The following ADGRL3 variants were observed in gnomAD, a reference collection of about 807,000 sequenced individuals.
ADGRL3 encodes calcium-independent alpha-latrotoxin receptor 3.
ADGRL3 carries 62 observed loss-of-function variants against 153.5 expected under a neutral mutation model. That is an observed-to-expected ratio of 0.40 (90% confidence interval 0.33 to 0.50). The LOEUF is 0.50. ADGRL3 is among the 20% of genes least tolerant of loss of function. The pLI, the probability that ADGRL3 is intolerant of heterozygous loss-of-function variation, is 0.47. For missense variants in ADGRL3, 1,641 were observed against 1,859.4 expected, an observed-to-expected ratio of 0.88 and a Z score of 2.16; for synonymous variants, 710 against 672.5, an observed-to-expected ratio of 1.06 and a Z score of -0.86.
chr4:61,231,438 C>T (rs561589832), intron 1 of ADGRL3, among the ~76,000 whole-genome samples: 23 of 152,096 alleles, frequency 1.5e-4, no homozygotes, highest in African/African-American at 4.8e-4. Flanking sequence ...GTTGTGGGGG[C>T]GGAGTGGAGG....
At chr4:61,281,097 T>C (rs556603618) in intron 1 of ADGRL3, among the ~76,000 whole-genome samples, 1 of 152,242 alleles carries the variant, frequency 6.6e-6, no homozygotes, top group South Asian at 2.1e-4. Flanking sequence ...ATCATATATA[T>C]ACATATATAT....
At chr4:61,830,480 C>T (rs1184751705) in intron 9 of ADGRL3, among the ~76,000 whole-genome samples, 4 of 152,178 alleles carry the variant, frequency 2.6e-5, no homozygotes, top group Admixed American at 2.6e-4. Context: ...CAGAACTCCA[C>T]CATGTCTATA....
chr4:61,509,811 G>A (rs2098453613), intron 3 of ADGRL3, among the ~76,000 whole-genome samples: 1 of 152,136 alleles, frequency 6.6e-6, no homozygotes, highest in Admixed American at 6.5e-5. Flanking sequence ...TAGAATAATA[G>A]TTCTGGTTTT....
chr4:61,631,240 T>C (rs1579963323), intron 5 of ADGRL3, among the ~76,000 whole-genome samples: 1 of 152,190 alleles, frequency 6.6e-6, no homozygotes, highest in East Asian at 1.9e-4. Context: ...TAAATTCAAT[T>C]TTATGGAATA....
chr4:61,936,024 T>G lies in ADGRL3; in HGVS notation c.2398T>G (p.Leu800Val), dbSNP rs760207197. The change falls in exon 15 of 27, where the codon TTA becomes GTA. Residue 800 changes from leucine (L) to valine (V), a missense_variant. Coordinates refer to ENST00000683033, the MANE Select transcript of ADGRL3 (RefSeq NM_001387552.1). ...CACTATCCAGCTGTCTGCAAATACC[T>G]TAAAGCAAAATGGCCGAAATGGTAG... ...GSTIQLSANT[L>V]KQNGRNGEIR... 10 of 1,611,004 alleles carry G rather than the reference T, an allele frequency of 6.2e-6. No individual in the cohort carries two copies. Among genetic ancestry groups the G allele is most frequent in the Admixed American group, 1.7e-5 (1 of 59,546 alleles).
intron 6 of ADGRL3, among the ~76,000 whole-genome samples, chr4:61,722,631 G>T (rs1002812120): frequency 1.1e-4 from 17 of 152,186 alleles, no homozygotes; most frequent in African/African-American, 4.1e-4. Flanking sequence ...AAAATTAATT[G>T]TAGAATTCTT....
chr4:61,890,265 G>C (rs2149576070), intron 9 of ADGRL3, among the ~76,000 whole-genome samples: 1 of 152,290 alleles, frequency 6.6e-6, no homozygotes, highest in East Asian at 1.9e-4. Context: ...GTACAAATGA[G>C]AGCTGGCATT....
At chr4:61,236,074 A>C (rs1019568268) in intron 1 of ADGRL3, among the ~76,000 whole-genome samples, 19 of 123,296 alleles carry the variant, frequency 1.5e-4, no homozygotes, top group African/African-American at 6.1e-4. Context: ...CAGTGGCTCT[A>C]TCTCAGCTCA....
intron 1 of ADGRL3, among the ~76,000 whole-genome samples, chr4:61,243,460 G>A (rs1265481081): frequency 6.6e-6 from 1 of 151,902 alleles, no homozygotes; most frequent in Non-Finnish European, 1.5e-5. Context: ...TTCTCCCTTG[G>A]GCAGCAGCAA....
intron 6 of ADGRL3, among the ~76,000 whole-genome samples, chr4:61,726,216 T>TTTTTTTTTTTTTTTTTTTTTTTTTTTA (rs1384390790): frequency 1.3e-5 from 2 of 148,838 alleles, no homozygotes; most frequent in Admixed American, 6.8e-5. Flanking sequence ...TTTTGTTTTT[T>TTTTTTTTTTTTTTTTTTTTTTTTTTTA]GAGAAGGAGT....
chr4:61,285,879 CT>C (rs939658612), intron 1 of ADGRL3, among the ~76,000 whole-genome samples: 13 of 151,636 alleles, frequency 8.6e-5, no homozygotes, highest in East Asian at 1.9e-4. Flanking sequence ...TTCTACTTTA[CT>C]TTTTTTTCCC....
At chr4:61,726,323 C>G (rs965072880) in intron 6 of ADGRL3, among the ~76,000 whole-genome samples, 28 of 151,030 alleles carry the variant, frequency 1.9e-4, no homozygotes, top group African/African-American at 6.3e-4. Context: ...CTCAGCCTCC[C>G]GAGTTGCTGG....
chr4:61,982,520 C>T (rs532832089), intron 18 of ADGRL3, among the ~76,000 whole-genome samples: 2 of 152,170 alleles, frequency 1.3e-5, no homozygotes, highest in Non-Finnish European at 2.9e-5. Flanking sequence ...AGTTTGTTGA[C>T]CTTTTCTAGT....
intron 1 of ADGRL3, among the ~76,000 whole-genome samples, chr4:61,213,446 G>A (rs2148890154): frequency 6.6e-6 from 1 of 150,416 alleles, no homozygotes; most frequent in East Asian, 1.9e-4. Flanking sequence ...ACATTCTGAA[G>A]ATCATATTTA....
At chr4:61,850,766 A>T (rs1047914838) in intron 9 of ADGRL3, among the ~76,000 whole-genome samples, 1 of 152,216 alleles carries the variant, frequency 6.6e-6, no homozygotes, top group African/African-American at 2.4e-5. Context: ...AGTTAAGTGG[A>T]AATTTAAATA....
chr4:61,484,914 A>G (rs74822318), intron 2 of ADGRL3, among the ~76,000 whole-genome samples: 1 of 151,966 alleles, frequency 6.6e-6, no homozygotes, highest in African/African-American at 2.4e-5. Flanking sequence ...TGTAAAAACT[A>G]TGTTGAACTT....
chr4:61,646,351 G>A (rs1023280561), intron 5 of ADGRL3, among the ~76,000 whole-genome samples: 21 of 152,124 alleles, frequency 1.4e-4, no homozygotes, highest in Admixed American at 7.2e-4. Flanking sequence ...TTTGGAGGAG[G>A]AGAGGCACTC....
chr4:61,438,064 C>T (rs182930284), intron 2 of ADGRL3, among the ~76,000 whole-genome samples: 9 of 152,250 alleles, frequency 5.9e-5, no homozygotes, highest in Admixed American at 3.3e-4. Flanking sequence ...GAAAACTCCT[C>T]AGGGGCTGGC....
At chr4:61,236,762 T>C (rs1251308639) in intron 1 of ADGRL3, among the ~76,000 whole-genome samples, 1 of 152,144 alleles carries the variant, frequency 6.6e-6, no homozygotes, top group Non-Finnish European at 1.5e-5. Context: ...AATATAATTG[T>C]CACATGAAGT....
Sources: gnomAD v4.1 joint callset for allele counts (sites outside exome capture counted in the v4.1 genomes callset) on GRCh38, gnomAD v4.1.1 for gene constraint, MANE v1.5 for transcripts, NCBI Gene and HGNC (gene_info 2026-07-23, HGNC 2026-07-21) for gene names.